Variants in TMIGD3 observed in about 807,000 individuals in gnomAD.
TMIGD3 encodes the protein AD026 protein (AD026).
In TMIGD3, 21 loss-of-function variants were observed where a neutral mutation model predicts 28.1. That is an observed-to-expected ratio of 0.75 (90% confidence interval 0.53 to 1.08). TMIGD3 has a LOEUF of 1.08. Among genes scored for constraint, TMIGD3 ranks in the 50% least tolerant of loss-of-function variants. TMIGD3 has a pLI of 0.00. For missense variants in TMIGD3, 416 were observed against 435.6 expected (o/e 0.96, Z 0.40); for synonymous variants, 151 against 162.1 (o/e 0.93, Z 0.52).
chr1:111,484,216 G>A (rs1173722785), intron 5 of TMIGD3, among the ~76,000 whole-genome samples: 2 of 152,208 alleles, frequency 1.3e-5, no homozygotes, highest in African/African-American at 4.8e-5. Context: ...GATGTGTGAT[G>A]TGTGATAGTT....
At chr1:111,551,287 G>A (rs1007812708) in intron 1 of TMIGD3, among the ~76,000 whole-genome samples, 11 of 152,026 alleles carry the variant, frequency 7.2e-5, no homozygotes, top group Non-Finnish European at 1.0e-4. Flanking sequence ...TATGTATTAT[G>A]TATATGTCTT....
intron 1 of TMIGD3, among the ~76,000 whole-genome samples, chr1:111,540,338 T>C (rs987856009): frequency 6.6e-6 from 1 of 152,264 alleles, no homozygotes; most frequent in African/African-American, 2.4e-5. Context: ...ATCACTTATC[T>C]GCTGCTTCAT....
At chr1:111,549,232 A>T (rs1056629963) in intron 1 of TMIGD3, among the ~76,000 whole-genome samples, 1 of 152,028 alleles carries the variant, frequency 6.6e-6, no homozygotes, top group African/African-American at 2.4e-5. Context: ...TATTTTTTTA[A>T]AAAATCTTTG....
At chr1:111,556,437 G>C (rs1437512505) in intron 1 of TMIGD3, among the ~76,000 whole-genome samples, 1 of 152,168 alleles carries the variant, frequency 6.6e-6, no homozygotes, top group East Asian at 1.9e-4. Context: ...GACTTGAACA[G>C]ATATTTGTAC....
intron 1 of TMIGD3, among the ~76,000 whole-genome samples, chr1:111,530,501 G>C (rs1417536055): frequency 6.6e-6 from 1 of 152,124 alleles, no homozygotes; most frequent in Admixed American, 6.5e-5. Context: ...TTGTTGCGCA[G>C]CTCTGCTGGT....
At chr1:111,535,346 A>C (rs1445913437) in intron 1 of TMIGD3, among the ~76,000 whole-genome samples, 1 of 152,216 alleles carries the variant, frequency 6.6e-6, no homozygotes, top group Non-Finnish European at 1.5e-5. Context: ...CAATATACAT[A>C]TACGTATCAC....
chr1:111,486,792 C>T (rs2800907), intron 3 of TMIGD3, 140 bp from the exon 4 acceptor site: 19 of 739,326 alleles, frequency 2.6e-5, no homozygotes, highest in Non-Finnish European at 4.0e-5. Flanking sequence ...AGAGGTACCA[C>T]GCGCAGTTGT....
chr1:111,489,171 G>T, intron 2 of TMIGD3, 147 bp from the exon 3 acceptor site: 1 of 731,130 alleles, frequency 1.4e-6, no homozygotes, highest in Non-Finnish European at 2.2e-6. Context: ...ACTATTATGG[G>T]CTGAACTATG....
chr1:111,494,447 G>A (rs186028778), intron 1 of TMIGD3, among the ~76,000 whole-genome samples: 1 of 152,318 alleles, frequency 6.6e-6, no homozygotes, highest in East Asian at 1.9e-4. Context: ...AATCAGGAAT[G>A]CAATCCCATT....
intron 1 of TMIGD3, among the ~76,000 whole-genome samples, chr1:111,512,796 A>G (rs1350726833): frequency 6.6e-6 from 1 of 152,216 alleles, no homozygotes; most frequent in Non-Finnish European, 1.5e-5. Context: ...ACTTGTTGGG[A>G]AGCCACAGGG....
At position 111,483,861 on chromosome 1, in the gene TMIGD3, G is replaced by A. The variant is rs1353781604; in HGVS notation, c.974-104C>T. The A allele has an allele frequency of 3.4e-5, 29 of 853,900 alleles. 1 individual carries two copies. The Admixed American group carries it at 5.8e-4, about 17-fold the overall frequency. The allele number at this position is 853,900 out of a possible 1,614,324, so 52.9% of individuals were successfully genotyped here. Reference sequence around the variant, plus strand: ...CCAAACTCTGTCATGGGGCTTTCATGGGGACTAAACACAAGTTTATTTTCA... The same window carrying A: ...CCAAACTCTGTCATGGGGCTTTCATAGGGACTAAACACAAGTTTATTTTCA... On this transcript the variant is annotated intron_variant, in intron 5 of 5. Transcript: ENST00000369716.
intron 1 of TMIGD3, among the ~76,000 whole-genome samples, chr1:111,543,748 G>A (rs1179137058): frequency 6.6e-6 from 1 of 151,420 alleles, no homozygotes; most frequent in African/African-American, 2.4e-5. Context: ...GAGGGAAGAA[G>A]CCCTACTGCA....
chr1:111,488,196 T>A (rs560209167), intron 3 of TMIGD3, among the ~76,000 whole-genome samples: 15 of 152,074 alleles, frequency 9.9e-5, no homozygotes, highest in African/African-American at 3.6e-4. Flanking sequence ...GAATCTAATC[T>A]TCAAGATTCT....
At chr1:111,504,243 A>G (rs2100986733), upstream of TMIGD3, 1 of 549,952 alleles carries the variant, frequency 1.8e-6, no homozygotes, top group East Asian at 1.5e-4. Flanking sequence ...TAGCAAAATC[A>G]CACTGGCACT....
chr1:111,541,965 AG>A, intron 1 of TMIGD3, among the ~76,000 whole-genome samples: 1 of 152,226 alleles, frequency 6.6e-6, no homozygotes, highest in Non-Finnish European at 1.5e-5. Flanking sequence ...TGGAGAGGAA[AG>A]GCAAGGTGAT....
chr1:111,530,329 G>A (rs2101013408), intron 1 of TMIGD3, among the ~76,000 whole-genome samples: 1 of 151,560 alleles, frequency 6.6e-6, no homozygotes, highest in East Asian at 1.9e-4. Context: ...TATTGTTTTT[G>A]TTTTGCACAA....
intron 3 of TMIGD3, 29 bp downstream of exon 3, chr1:111,488,648 T>A (rs1557815539): frequency 6.3e-7 from 1 of 1,580,696 alleles, no homozygotes; most frequent in East Asian, 2.2e-5. Context: ...GTGGGTTACA[T>A]CCAGCCAGAC....
At chr1:111,553,946 A>T (rs1157765933) in intron 1 of TMIGD3, among the ~76,000 whole-genome samples, 1 of 152,252 alleles carries the variant, frequency 6.6e-6, no homozygotes, top group Non-Finnish European at 1.5e-5. Flanking sequence ...TAGTGGTTCC[A>T]TATGGGCATG....
At chr1:111,534,436 G>A (rs1027917927) in intron 1 of TMIGD3, among the ~76,000 whole-genome samples, 1 of 152,206 alleles carries the variant, frequency 6.6e-6, no homozygotes, top group South Asian at 2.1e-4. Flanking sequence ...TCTATGCTGA[G>A]CTCCTAAAGG....
Sources: gnomAD v4.1 joint callset for allele counts (sites outside exome capture counted in the v4.1 genomes callset) on GRCh38, gnomAD v4.1.1 for gene constraint, MANE v1.5 for transcripts, NCBI Gene and HGNC (gene_info 2026-07-23, HGNC 2026-07-21) for gene names.